The following MYRIP variants were observed in gnomAD, a reference collection of about 807,000 sequenced individuals.
MYRIP encodes myosin VIIA and Rab interacting protein, also known as rab effector MyRIP.
In MYRIP, 49 loss-of-function variants were observed where a neutral mutation model predicts 98.0. That is an observed-to-expected ratio of 0.50 (90% CI 0.40 to 0.63). MYRIP has a LOEUF of 0.63. MYRIP is among the 30% of genes least tolerant of loss of function. The pLI is 0.00. For synonymous variants in MYRIP, 404 were observed against 409.5 expected, an observed-to-expected ratio of 0.99 and a Z score of 0.16; for missense variants, 1,004 against 1,058.2, an observed-to-expected ratio of 0.95 and a Z score of 0.71.
At chr3:40,155,476 A>G (rs374138008) in intron 4 of MYRIP, among the ~76,000 whole-genome samples, 1 of 152,162 alleles carries the variant, frequency 6.6e-6, no homozygotes, top group Non-Finnish European at 1.5e-5. Context: ...CTTTATAGCA[A>G]CATGATTTAT....
chr3:40,250,634 T>C lies in MYRIP; in HGVS notation c.2428+135T>C, dbSNP rs986453200. On this transcript the variant is annotated intron_variant, in intron 15 of 16. Coordinates refer to ENST00000302541, the MANE Select transcript of MYRIP (RefSeq NM_015460.4). ...ACAGAATTGCTCTTGTCTATCTTGA[T>C]TTGGGTCCCCCCAGAAGCAAACCCT... The C allele has an allele frequency of 7.1e-5, 76 of 1,064,948 alleles. 1 individual carries two copies. In the East Asian group the frequency reaches 1.9e-3, roughly 26 times the overall value. 66.0% of individuals were successfully genotyped at this position (1,064,948 alleles called of 1,614,324 possible).
Position 39,978,836 on chromosome 3 carries a change from TA to T in MYRIP, c.111-65211del, listed in dbSNP as rs11322891. On this transcript the variant is annotated intron_variant, in intron 2 of 16. Coordinates refer to ENST00000302541, the MANE Select transcript of MYRIP (RefSeq NM_015460.4). ...TACTGGACTTTGTTTTTTTTTTTTT[TA>T]AATGTCACCAGAATATATCACTTAG... is the stretch of plus-strand genomic sequence containing the variant. Among the ~76,000 whole-genome samples, 1,483 of 152,004 alleles carry T rather than the reference TA, an allele frequency of 9.8e-3. 25 individuals carry two copies. The highest frequency in any genetic ancestry group is 0.034 in the African/African-American group (1,426 of 41,434).
At chr3:39,847,792 T>C (rs939484968) in intron 1 of MYRIP, among the ~76,000 whole-genome samples, 1 of 152,204 alleles carries the variant, frequency 6.6e-6, no homozygotes, top group African/African-American at 2.4e-5. Flanking sequence ...GAGTTCATAG[T>C]AGCGTTTGCT....
chr3:40,118,382 A>G (rs765257634), intron 3 of MYRIP, among the ~76,000 whole-genome samples: 21 of 152,174 alleles, frequency 1.4e-4, no homozygotes, highest in Non-Finnish European at 3.1e-4. Flanking sequence ...CCTGTATGCA[A>G]AGGGACAGGT....
At chr3:40,245,340 A>T (rs1553633180) in intron 13 of MYRIP, among the ~76,000 whole-genome samples, 1 of 151,890 alleles carries the variant, frequency 6.6e-6, no homozygotes, top group Non-Finnish European at 1.5e-5. Flanking sequence ...ACCCATGACA[A>T]TTTTTTTCTT....
intron 3 of MYRIP, among the ~76,000 whole-genome samples, chr3:40,125,438 C>G (rs1949507348): frequency 6.6e-6 from 1 of 152,170 alleles, no homozygotes; most frequent in Non-Finnish European, 1.5e-5. Flanking sequence ...ATTTTTCTGC[C>G]TGCTTTATAT....
At chr3:40,232,542 T>C (rs1394981991) in intron 11 of MYRIP, among the ~76,000 whole-genome samples, 3 of 152,250 alleles carry the variant, frequency 2.0e-5, no homozygotes, top group African/African-American at 7.2e-5. Context: ...TGGGAAGGCA[T>C]ATCTTACCAA....
At chr3:40,120,200 G>T (rs1443957938) in intron 3 of MYRIP, among the ~76,000 whole-genome samples, 1 of 152,092 alleles carries the variant, frequency 6.6e-6, no homozygotes, top group Non-Finnish European at 1.5e-5. Flanking sequence ...GCCTAATATA[G>T]CAAAATCCCT....
intron 2 of MYRIP, among the ~76,000 whole-genome samples, chr3:39,945,309 C>T (rs1412819861): frequency 2.3e-5 from 1 of 42,948 alleles, no homozygotes; most frequent in Non-Finnish European, 4.8e-5. Flanking sequence ...ATCTCTACTA[C>T]AAAAAAAAAA....
At position 40,150,137 on chromosome 3, in the gene MYRIP, C is replaced by T. The variant is rs181643518; in HGVS notation, c.333-911C>T. Among the ~76,000 whole-genome samples the T allele has an allele frequency of 7.1e-4, 108 of 152,052 alleles. 1 individual carries two copies. Among genetic ancestry groups the T allele is most frequent in the African/African-American group, 2.5e-3 (103 of 41,472 alleles). On this transcript the variant is annotated intron_variant, in intron 3 of 16. Coordinates refer to ENST00000302541, the MANE Select transcript of MYRIP (RefSeq NM_015460.4). ...TCACTCTGTCGCCCAGGCTGGAGGGCAGTGGTGCTGTGGTGCTGTCTTGGC... is the reference window on the plus strand; with the variant it reads ...TCACTCTGTCGCCCAGGCTGGAGGGTAGTGGTGCTGTGGTGCTGTCTTGGC...
intron 1 of MYRIP, among the ~76,000 whole-genome samples, chr3:39,859,155 G>C (rs757891971): frequency 5.5e-5 from 8 of 145,882 alleles, no homozygotes; most frequent in Non-Finnish European, 7.5e-5. Context: ...ACTAACGAAA[G>C]ATGGAGAGGA....
chr3:40,186,750 G>T (rs138169781), intron 9 of MYRIP, among the ~76,000 whole-genome samples: 2 of 152,312 alleles, frequency 1.3e-5, no homozygotes, highest in East Asian at 1.9e-4. Flanking sequence ...TTGGGGTGGG[G>T]CACACACAGA....
At chr3:39,845,943 A>G (rs1470142555) in intron 1 of MYRIP, among the ~76,000 whole-genome samples, 3 of 152,022 alleles carry the variant, frequency 2.0e-5, no homozygotes, top group Non-Finnish European at 4.4e-5. Context: ...TCAATTATTT[A>G]TGTTCACTGC....
intron 2 of MYRIP, among the ~76,000 whole-genome samples, chr3:39,954,636 T>C (rs1389340521): frequency 6.6e-6 from 1 of 152,108 alleles, no homozygotes; most frequent in Non-Finnish European, 1.5e-5. Flanking sequence ...ATGCAGCCCC[T>C]TGCCAGCAAC....
At position 39,895,526 on chromosome 3, in the gene MYRIP, T is replaced by A. The variant is rs561512752; in HGVS notation, c.-30-5261T>A. 2.5e-3 allele frequency among the ~76,000 whole-genome samples: 373 copies of A among 152,164 alleles called. 1 individual carries two copies. Among genetic ancestry groups the A allele is most frequent in the African/African-American group, 8.0e-3 (331 of 41,506 alleles). On this transcript the variant is annotated intron_variant, in intron 1 of 16. Transcript: ENST00000302541. ...TTTTAATTTTATCCATATATATATTTTTTTTTCGCTATGTGAAACTTTTTT... is the reference window on the plus strand; with the variant it reads ...TTTTAATTTTATCCATATATATATTATTTTTTCGCTATGTGAAACTTTTTT...
At chr3:39,947,088 C>T (rs1575403836) in intron 2 of MYRIP, among the ~76,000 whole-genome samples, 2 of 152,174 alleles carry the variant, frequency 1.3e-5, no homozygotes, top group Non-Finnish European at 2.9e-5. Flanking sequence ...TTTAATATAA[C>T]AGTTTTAATA....
chr3:39,994,620 T>C (rs995262588), intron 2 of MYRIP, among the ~76,000 whole-genome samples: 37 of 152,188 alleles, frequency 2.4e-4, no homozygotes, highest in Admixed American at 7.2e-4. Flanking sequence ...GGGCAGGGCA[T>C]AGCCAAACAA....
At chr3:39,816,665 G>C (rs1575267816) in intron 1 of MYRIP, among the ~76,000 whole-genome samples, 1 of 152,182 alleles carries the variant, frequency 6.6e-6, no homozygotes, top group East Asian at 1.9e-4. Context: ...GGCCCAAATG[G>C]AGTGGCTAAT....
intron 8 of MYRIP, among the ~76,000 whole-genome samples, chr3:40,180,822 G>A (rs891477773): frequency 1.3e-5 from 2 of 152,138 alleles, no homozygotes; most frequent in African/African-American, 4.8e-5. Context: ...GGTTTCCTAC[G>A]ACTCTGAATC....
Sources: allele counts gnomAD v4.1 joint callset (sites outside exome capture counted in the v4.1 genomes callset), GRCh38; gene constraint gnomAD v4.1.1; transcripts MANE v1.5; gene names NCBI Gene and HGNC (gene_info 2026-07-23, HGNC 2026-07-21).